ZFHX4: variants seen among roughly 807,000 people sequenced by gnomAD.
The protein encoded by ZFHX4 is zinc finger homeobox 4.
A neutral mutation model predicts 267.6 loss-of-function variants in ZFHX4; 56 were observed. That is an observed-to-expected ratio of 0.21 (90% CI 0.17 to 0.26). The LOEUF is 0.26. Among genes scored for constraint, ZFHX4 ranks in the 10% least tolerant of loss-of-function variants. The pLI is 1.00. For synonymous variants in ZFHX4, 1,778 were observed against 1,665.6 expected, an observed-to-expected ratio of 1.07 and a Z score of -1.64; for missense variants, 4,332 against 4,420.0, an observed-to-expected ratio of 0.98 and a Z score of 0.56.
chr8:76,775,089 T>G (rs1484351751), intron 3 of ZFHX4, among the ~76,000 whole-genome samples: 1 of 152,114 alleles, frequency 6.6e-6, no homozygotes, highest in Non-Finnish European at 1.5e-5. Flanking sequence ...TCACAGGCTG[T>G]GAAAATATGA....
At position 76,851,691 on chromosome 8, in the gene ZFHX4, C is replaced by T. The variant is rs1812527241; in HGVS notation, c.4770C>T (p.Asn1590=). 6.2e-7 allele frequency: 1 copy of T among 1,613,566 alleles called. No homozygotes were observed. Among genetic ancestry groups the T allele is most frequent in the Non-Finnish European group, 8.5e-7 (1 of 1,179,880 alleles). The change falls in exon 10 of 11, where the codon AAC becomes AAT. Residue 1590 remains asparagine, a synonymous_variant. Transcript: ENST00000651372. ...VPQETNSNTD[N]KPYKCSICNV... ...AAGAAACCAACAGCAACACAGATAA[C>T]AAACCCTACAAGTGCAGCATCTGCA...
At chr8:76,815,313 C>T (rs1379190326) in intron 4 of ZFHX4, among the ~76,000 whole-genome samples, 1 of 152,142 alleles carries the variant, frequency 6.6e-6, no homozygotes, top group Non-Finnish European at 1.5e-5. Flanking sequence ...TAACAAAACA[C>T]CATACAATGC....
intron 4 of ZFHX4, among the ~76,000 whole-genome samples, chr8:76,822,823 T>G (rs1231977559): frequency 6.6e-6 from 1 of 152,150 alleles, no homozygotes; most frequent in East Asian, 1.9e-4. Context: ...GTTTTGCCCT[T>G]ACCCTTCATC....
chr8:76,719,439 C>T (rs1427301041), intron 3 of ZFHX4, among the ~76,000 whole-genome samples: 1 of 151,848 alleles, frequency 6.6e-6, no homozygotes, highest in Non-Finnish European at 1.5e-5. Flanking sequence ...GATCAGAGAA[C>T]AGGATATGAT....
At chr8:76,757,807 G>A (rs532166814) in intron 3 of ZFHX4, among the ~76,000 whole-genome samples, 5 of 152,148 alleles carry the variant, frequency 3.3e-5, no homozygotes, top group African/African-American at 4.8e-5. Flanking sequence ...AAAGATGAGC[G>A]TGGGAGTAGA....
At chr8:76,701,680 G>T (rs1808107184) in intron 1 of ZFHX4, among the ~76,000 whole-genome samples, 1 of 152,150 alleles carries the variant, frequency 6.6e-6, no homozygotes, top group Non-Finnish European at 1.5e-5. Flanking sequence ...GTATTTGTGG[G>T]ATGAGAACTG....
Position 76,705,339 on chromosome 8 carries a change from C to T in ZFHX4, c.1251C>T (p.Asn417=), listed in dbSNP as rs999506497. The stretch of plus-strand genomic sequence containing the variant: ...GGGGGCTGTCTAGTTTAGTAGTGAA[C>T]ACCCCAATTACCTCTGTCTCCCTCA... ...NLGGLSSLVV[N]TPITSVSLSH... Residue 417 remains asparagine (N), a synonymous_variant, in exon 2 of 11, where the codon AAC becomes AAT. Coordinates refer to ENST00000651372, the MANE Select transcript of ZFHX4 (RefSeq NM_024721.5). 6.2e-7 allele frequency: 1 copy of T among 1,613,830 alleles called. No individual in the cohort carries two copies. Among genetic ancestry groups the T allele is most frequent in the Non-Finnish European group, 8.5e-7 (1 of 1,179,892 alleles).
At chr8:76,779,036 C>G (rs1224502459) in intron 4 of ZFHX4, among the ~76,000 whole-genome samples, 1 of 152,142 alleles carries the variant, frequency 6.6e-6, no homozygotes, top group Non-Finnish European at 1.5e-5. Context: ...CTGAATTAAT[C>G]TCTGTTCCCT....
Position 76,864,112 on chromosome 8 carries a change from C to G in ZFHX4, c.10398C>G (p.Leu3466=), listed in dbSNP as rs184304978. The change falls in exon 11 of 11, where the codon CTC becomes CTG. Residue 3466 remains leucine, a synonymous_variant. Transcript: ENST00000651372. ...GGAATGAAGCACTTAGCCAACACCT[C>G]CAGTCAAGCTTGCACAAAGAGAAAA... The part of the protein sequence containing the change: ...ISGNEALSQH[L]QSSLHKEKTI... 44 of 1,613,860 alleles carry G rather than the reference C, an allele frequency of 2.7e-5. No homozygotes were observed. The African/African-American group carries it at 4.8e-4, about 18-fold the overall frequency.
chr8:76,733,289 G>T (rs1443221212), intron 3 of ZFHX4: 1 of 152,070 alleles, frequency 6.6e-6, no homozygotes, highest in Non-Finnish European at 1.5e-5. Flanking sequence ...TTCTGTTTCG[G>T]TCATCTCAGT....
Position 76,706,289 on chromosome 8 carries a change from A to T in ZFHX4, c.2201A>T (p.Asn734Ile), listed in dbSNP as rs1331108773. ...AATGTTCAGAATCTCCAAAATGGCAATGGTGAGCAGGTGTTTGGCCACTCT... is the reference window on the plus strand; with the variant it reads ...AATGTTCAGAATCTCCAAAATGGCATTGGTGAGCAGGTGTTTGGCCACTCT... ...LNNVQNLQNG[N>I]GEQVFGHSAP... Residue 734 changes from asparagine (N) to isoleucine (I), a missense_variant, in exon 2 of 11, where the codon AAT becomes ATT. Asn to Ile is a moderately radical substitution (Grantham distance 149, BLOSUM62 -3). This residue lies in a region of ZFHX4 where 1,195 missense variants were observed against 1,173.6 expected (regional missense o/e 1.02). Transcript: ENST00000651372. 6.2e-7 allele frequency: 1 copy of T among 1,614,118 alleles called. No homozygotes were observed. The highest frequency in any genetic ancestry group is 1.7e-5 in the Admixed American group (1 of 60,018).
intron 1 of ZFHX4, among the ~76,000 whole-genome samples, chr8:76,696,640 A>G (rs1807964308): frequency 6.6e-6 from 1 of 151,442 alleles, no homozygotes; most frequent in Non-Finnish European, 1.5e-5. Flanking sequence ...AGGCCAAAAA[A>G]AAAAAAAAAA....
At chr8:76,759,046 A>G (rs1809840201) in intron 3 of ZFHX4, among the ~76,000 whole-genome samples, 2 of 152,226 alleles carry the variant, frequency 1.3e-5, no homozygotes, top group Non-Finnish European at 2.9e-5. Context: ...AATGACTTCA[A>G]GAAAGATTTT....
chr8:76,814,084 A>G (rs2131849994), intron 4 of ZFHX4, among the ~76,000 whole-genome samples: 1 of 152,170 alleles, frequency 6.6e-6, no homozygotes, highest in East Asian at 1.9e-4. Flanking sequence ...TAAAAAAAAG[A>G]TTTTAGAGAC....
chr8:76,828,373 T>A (rs1037047996), intron 4 of ZFHX4, among the ~76,000 whole-genome samples: 1 of 152,104 alleles, frequency 6.6e-6, no homozygotes, highest in African/African-American at 2.4e-5. Flanking sequence ...GTACAGAGCT[T>A]TGGAGTCAGA....
chr8:76,850,968 A>C lies in ZFHX4; in HGVS notation c.4047A>C (p.Lys1349Asn). The C allele has an allele frequency of 6.2e-7, 1 of 1,613,818 alleles. No homozygotes were observed. Among genetic ancestry groups the C allele is most frequent in the Non-Finnish European group, 8.5e-7 (1 of 1,179,824 alleles). Residue 1349 changes from lysine (K) to asparagine (N), a missense_variant, in exon 10 of 11, where the codon AAA becomes AAC. By Grantham distance (94) the Lys-to-Asn change is moderately conservative. Around this residue, in one of 7 missense-constraint regions of ZFHX4, gnomAD observed 1,371 missense variants for 1,423.1 expected, o/e 0.96. Coordinates refer to ENST00000651372, the MANE Select transcript of ZFHX4 (RefSeq NM_024721.5). ...TGGAAGTAAAGAATGAGGAGCAGAA[A>C]CCGACTAAAGAACCCTTGGAAGTCT... Reference protein sequence around the residue: ...ANVEVKNEEQKPTKEPLEVSE... With the variant: ...ANVEVKNEEQNPTKEPLEVSE...
Position 76,851,028 on chromosome 8 carries a change from A to T in ZFHX4, c.4107A>T (p.Lys1369Asn), listed in dbSNP as rs554401033. ...EWNKNSSKDV[K>N]IPDTLQDQLN... The stretch of plus-strand genomic sequence containing the variant: ...ATAAAAATAGCAGTAAGGATGTGAA[A>T]ATCCCCGACACACTGCAAGATCAAT... The change falls in exon 10 of 11, where the codon AAA becomes AAT. Residue 1369 changes from lysine to asparagine, a missense_variant. Lys to Asn is a moderately conservative substitution (Grantham distance 94). Transcript: ENST00000651372. 5.0e-6 allele frequency: 8 copies of T among 1,613,934 alleles called. No homozygotes were observed. The Admixed American group carries it at 1.3e-4, about 27-fold the overall frequency.
chr8:76,770,774 G>C (rs1585927121), intron 3 of ZFHX4, among the ~76,000 whole-genome samples: 1 of 152,118 alleles, frequency 6.6e-6, no homozygotes, highest in Non-Finnish European at 1.5e-5. Context: ...GAGTAAGACA[G>C]GTGAAGGGGG....
intron 3 of ZFHX4, among the ~76,000 whole-genome samples, chr8:76,726,159 T>C (rs1808847758): frequency 6.6e-6 from 1 of 152,186 alleles, no homozygotes; most frequent in Non-Finnish European, 1.5e-5. Flanking sequence ...AATAAGTTTT[T>C]TTTTTGGAAA....
Sources: gnomAD v4.1 joint callset for allele counts (sites outside exome capture counted in the v4.1 genomes callset) on GRCh38, gnomAD v4.1.1 for gene constraint, gnomAD v4.1.1 regional missense constraint, MANE v1.5 for transcripts, NCBI Gene and HGNC (gene_info 2026-07-23, HGNC 2026-07-21) for gene names.